The following LDB2 variants were observed in gnomAD, a reference collection of about 807,000 sequenced individuals.
LDB2 encodes LIM domain binding 2.
A neutral mutation model predicts 44.3 loss-of-function variants in LDB2; 12 were observed. The ratio of observed to expected loss-of-function variants is 0.27; its 90% confidence interval spans 0.17 to 0.44. LDB2 has a LOEUF of 0.44. LDB2 is among the 20% of genes least tolerant of loss of function. The pLI is 1.00. For missense variants in LDB2, 344 were observed against 473.5 expected (o/e 0.73, Z 2.54); for synonymous variants, 164 against 174.8 (o/e 0.94, Z 0.49).
intron 4 of LDB2, among the ~76,000 whole-genome samples, chr4:16,587,412 A>G (rs978300093): frequency 6.6e-6 from 1 of 152,232 alleles, no homozygotes; most frequent in African/African-American, 2.4e-5. Flanking sequence ...GCAAGGGTCC[A>G]ACCCTATGTG....
intron 1 of LDB2, among the ~76,000 whole-genome samples, chr4:16,847,117 T>A (rs1319624977): frequency 6.6e-6 from 1 of 152,118 alleles, no homozygotes; most frequent in Non-Finnish European, 1.5e-5. Context: ...TAATGAAAAA[T>A]CCCCCGTAAT....
chr4:16,582,742 A>G lies in LDB2; in HGVS notation c.615+3180T>C, dbSNP rs1715218166. Reference sequence around the variant, plus strand: ...TCTAGAGGTCACAGAGGCAGCCTGTAGAGGAAGTGAGACCGCACTGTGACA... The same window carrying G: ...TCTAGAGGTCACAGAGGCAGCCTGTGGAGGAAGTGAGACCGCACTGTGACA... On this transcript the variant is annotated intron_variant, in intron 5 of 7. Transcript: ENST00000304523. This position sits in a 1 kb window ranked among gnomAD's most constrained non-coding sequence, Gnocchi z 4.8. Among the ~76,000 whole-genome samples the G allele has an allele frequency of 6.6e-6, 1 of 152,184 alleles. No individual in the cohort carries two copies.
At chr4:16,556,928 AAATT>A (rs1344190782) in intron 5 of LDB2, among the ~76,000 whole-genome samples, 14 of 152,210 alleles carry the variant, frequency 9.2e-5, no homozygotes, top group Non-Finnish European at 1.2e-4. Flanking sequence ...CAGAAAACCT[AAATT>A]AATCTTTTTT....
At chr4:16,813,061 G>A (rs1025905568) in intron 1 of LDB2, among the ~76,000 whole-genome samples, 9 of 151,786 alleles carry the variant, frequency 5.9e-5, no homozygotes, top group African/African-American at 1.7e-4. Context: ...GCAGTGGCAC[G>A]ATCTCAGCTC....
rs184378541 is a variant in LDB2, at chr4:16,689,025, G to A, written c.235+70133C>T. ...AGATGACAGAGGAGCTGAGACCATC[G>A]CTAGGGGACTGTGAACACTCTGGAA... On this transcript the variant is annotated intron_variant, in intron 2 of 7. Coordinates refer to ENST00000304523, the MANE Select transcript of LDB2 (RefSeq NM_001290.5). 2.8e-4 allele frequency among the ~76,000 whole-genome samples: 42 copies of A among 152,328 alleles called. No homozygotes were observed. The East Asian group carries it at 7.3e-3, about 27-fold the overall frequency.
chr4:16,624,219 G>A (rs574010812), intron 2 of LDB2, among the ~76,000 whole-genome samples: 8 of 152,192 alleles, frequency 5.3e-5, no homozygotes, highest in South Asian at 4.2e-4. Flanking sequence ...GTAGCATCCC[G>A]TAACACCATC....
intron 2 of LDB2, among the ~76,000 whole-genome samples, chr4:16,618,983 A>T (rs1728125383): frequency 6.6e-6 from 1 of 152,108 alleles, no homozygotes; most frequent in Non-Finnish European, 1.5e-5. Flanking sequence ...GCCGTGTAGG[A>T]CATGCTGGCT....
intron 2 of LDB2, among the ~76,000 whole-genome samples, chr4:16,633,491 A>G (rs1732636654): frequency 6.6e-6 from 1 of 152,224 alleles, no homozygotes; most frequent in Non-Finnish European, 1.5e-5. Flanking sequence ...GAGCCAAATC[A>G]TGAGTGAACT....
At chr4:16,874,949 T>C (rs1233340973) in intron 1 of LDB2, among the ~76,000 whole-genome samples, 1 of 152,108 alleles carries the variant, frequency 6.6e-6, no homozygotes, top group Non-Finnish European at 1.5e-5. Flanking sequence ...AAAACAAAAA[T>C]TATATTTGAA....
intron 2 of LDB2, among the ~76,000 whole-genome samples, chr4:16,672,882 TTCC>T (rs1560832899): frequency 2.8e-5 from 4 of 142,506 alleles, no homozygotes; most frequent in South Asian, 2.3e-4. Context: ...TCTTCCTTCC[TTCC>T]TTTTTTTTCC....
At position 16,502,496 on chromosome 4, in the gene LDB2, G is replaced by A. The variant is rs1261612247; in HGVS notation, c.*147C>T. On this transcript the variant is annotated 3_prime_UTR_variant, in exon 8 of 8. Transcript: ENST00000304523. The stretch of plus-strand genomic sequence containing the variant: ...CTCTCAATTAGAAAAAAAGAAAGAA[G>A]AAAGAAAATCAGATCATTGTGGTTT... 9 of 1,176,646 alleles carry A rather than the reference G, an allele frequency of 7.6e-6. No individual in the cohort carries two copies. In the East Asian group the frequency reaches 1.7e-4, roughly 22 times the overall value. The allele number at this position is 1,176,646 out of a possible 1,614,324, so 72.9% of individuals were successfully genotyped here.
At chr4:16,614,627 G>C (rs1197884152) in intron 2 of LDB2, among the ~76,000 whole-genome samples, 1 of 144,720 alleles carries the variant, frequency 6.9e-6, no homozygotes, top group Non-Finnish European at 1.5e-5. Flanking sequence ...AAAAAAGTGG[G>C]CAAAGGATAT....
rs186228919 is a variant in LDB2, at chr4:16,858,639, G to A, written c.132+39715C>T. Among the ~76,000 whole-genome samples, 8 of 152,266 alleles carry A rather than the reference G, an allele frequency of 5.3e-5. No individual in the cohort carries two copies. In the East Asian group the frequency reaches 5.8e-4, roughly 11 times the overall value. Reference sequence around the variant, plus strand: ...TTATCACCCATCGGTTATCTGTGTCGCCTGAAGGAACTCCGGGTAAGGTAC... The same window carrying A: ...TTATCACCCATCGGTTATCTGTGTCACCTGAAGGAACTCCGGGTAAGGTAC... On this transcript the variant is annotated intron_variant, in intron 1 of 7. Coordinates refer to ENST00000304523, the MANE Select transcript of LDB2 (RefSeq NM_001290.5).
intron 2 of LDB2, chr4:16,674,177 T>C (rs1361825226): frequency 2.6e-6 from 3 of 1,173,980 alleles, no homozygotes; most frequent in African/African-American, 1.6e-5. Context: ...TAAAACAAAT[T>C]AGAAATAGAT....
At chr4:16,518,234 C>T (rs763371398) in intron 5 of LDB2, among the ~76,000 whole-genome samples, 1 of 152,186 alleles carries the variant, frequency 6.6e-6, no homozygotes, top group Non-Finnish European at 1.5e-5. Flanking sequence ...ATTCTTTTCA[C>T]TACACACTCA....
chr4:16,693,209 G>A (rs1413618929), intron 2 of LDB2, among the ~76,000 whole-genome samples: 1 of 152,130 alleles, frequency 6.6e-6, no homozygotes, highest in East Asian at 1.9e-4. Context: ...TATGAATCAT[G>A]ATTTTTATTT....
chr4:16,615,243 C>T (rs1016069928), intron 2 of LDB2, among the ~76,000 whole-genome samples: 1 of 152,128 alleles, frequency 6.6e-6, no homozygotes, highest in Non-Finnish European at 1.5e-5. Flanking sequence ...ACCCAGCCAT[C>T]TCATTACTGG....
At chr4:16,874,302 CAAG>C (rs1244072596) in intron 1 of LDB2, among the ~76,000 whole-genome samples, 2 of 151,992 alleles carry the variant, frequency 1.3e-5, no homozygotes, top group African/African-American at 2.4e-5. Flanking sequence ...GGTTACAAGA[CAAG>C]AAGTACAGAA....
intron 2 of LDB2, among the ~76,000 whole-genome samples, chr4:16,744,146 G>GGTTTGTTTGTTTGTTT (rs143933539): frequency 1.1e-4 from 17 of 151,860 alleles, no homozygotes; most frequent in African/African-American, 4.1e-4. Context: ...AGACTCATGT[G>GGTTTGTTTGTTTGTTT]GTTTGTTTGT....
Sources: allele counts gnomAD v4.1 joint callset (sites outside exome capture counted in the v4.1 genomes callset), GRCh38; gene constraint gnomAD v4.1.1; non-coding constraint Gnocchi (gnomAD v3.1); transcripts MANE v1.5; gene names NCBI Gene and HGNC (gene_info 2026-07-23, HGNC 2026-07-21).